The following TECTA variants were observed in gnomAD, a reference collection of about 807,000 sequenced individuals.
TECTA encodes alpha-tectorin.
In TECTA, 128 loss-of-function variants were observed where a neutral mutation model predicts 216.8. That is an observed-to-expected ratio of 0.59 (90% CI 0.51 to 0.68). TECTA has a LOEUF of 0.68. Ranked by LOEUF, TECTA falls within the 30% of genes least tolerant of loss-of-function variation. The pLI is 0.00. For missense variants in TECTA, 2,551 were observed against 2,786.2 expected (o/e 0.92, Z 1.90); for synonymous variants, 1,089 against 1,117.1 (o/e 0.97, Z 0.50).
At chr11:121,167,342 G>A (rs1947064246) in intron 18 of TECTA, among the ~76,000 whole-genome samples, 1 of 152,182 alleles carries the variant, frequency 6.6e-6, no homozygotes, top group South Asian at 2.1e-4. Flanking sequence ...GCTGACATGG[G>A]AGGATCATAA....
intron 10 of TECTA, among the ~76,000 whole-genome samples, chr11:121,136,063 A>C (rs1406939829): frequency 6.6e-6 from 1 of 151,854 alleles, no homozygotes; most frequent in Non-Finnish European, 1.5e-5. Context: ...GGTTCGAGCG[A>C]TTCTAGAGCC....
intron 3 of TECTA, among the ~76,000 whole-genome samples, chr11:121,108,737 TTACACACCTCACCCCAGTACA>T (rs1198300646): frequency 7.8e-6 from 1 of 127,534 alleles, no homozygotes; most frequent in Non-Finnish European, 1.7e-5. Context: ...ACACACACAC[TTACACACCTCACCCCAGTACA>T]CACACACACA....
chr11:121,145,808 T>C lies in TECTA; in HGVS notation c.3797T>C (p.Phe1266Ser). The stretch of plus-strand genomic sequence containing the variant: ...CTGCTTGCATCGAGTGTCAATGAGT[T>C]TGGGCAGAGCTGGGTGAAGAGGGAC... ...MGLLASSVNE[F>S]GQSWVKRDTF... The change falls in exon 12 of 24, where the codon TTT becomes TCT. Residue 1266 changes from phenylalanine to serine, a missense_variant. By Grantham distance (155) the Phe-to-Ser change is radical. Transcript: ENST00000392793. 1.2e-6 allele frequency: 2 copies of C among 1,614,122 alleles called. No homozygotes were observed. The highest frequency in any genetic ancestry group is 8.5e-7 in the Non-Finnish European group (1 of 1,179,998).
chr11:121,171,776 T>G (rs1462983869), intron 20 of TECTA, among the ~76,000 whole-genome samples: 1 of 152,218 alleles, frequency 6.6e-6, no homozygotes, highest in African/African-American at 2.4e-5. Context: ...GTCCTGCAAC[T>G]TTACTGAATT....
intron 20 of TECTA, among the ~76,000 whole-genome samples, chr11:121,175,475 G>T (rs113695244): frequency 1.3e-5 from 2 of 152,158 alleles, no homozygotes; most frequent in African/African-American, 4.8e-5. Flanking sequence ...GGAGCAGGTT[G>T]TTCAGTTTCC....
Position 121,128,023 on chromosome 11 carries a change from C to G in TECTA, c.2046C>G (p.Asp682Glu), listed in dbSNP as rs147404112. 1.4e-5 allele frequency: 22 copies of G among 1,613,324 alleles called. No individual in the cohort carries two copies. The African/African-American group carries it at 1.9e-4, about 14-fold the overall frequency. ...TVQCLCEEGG[D>E]VYCFNKTCGS... is the part of the protein sequence containing the mutation. ...AATGCCTGTGCGAGGAGGGCGGGGA[C>G]GTCTACTGCTTCAACAAGACCTGCG... is the stretch of plus-strand genomic sequence containing the variant. Residue 682 changes from aspartate to glutamate, a missense_variant, in exon 9 of 24, where the codon GAC becomes GAG. Around this residue, in one of 3 missense-constraint regions of TECTA, gnomAD observed 2,375 missense variants for 2,563.9 expected, o/e 0.93. Coordinates refer to ENST00000392793, the MANE Select transcript of TECTA (RefSeq NM_005422.4).
intron 15 of TECTA, 81 bp downstream of exon 15, chr11:121,160,502 C>T: frequency 3.2e-6 from 5 of 1,573,986 alleles, no homozygotes; most frequent in Non-Finnish European, 4.3e-6. Flanking sequence ...TGAGGAATGC[C>T]TTTTCCTTAG....
chr11:121,137,720 G>A lies in TECTA; in HGVS notation c.3241G>A (p.Glu1081Lys). ...HCETIPCKDD[E>K]YCMEEGGLYY... is the part of the protein sequence containing the mutation. ...CGAGACCATTCCCTGCAAGGATGAT[G>A]AGTACTGCATGGAGGAAGGTGGCCT... The change falls in exon 11 of 24, where the codon GAG becomes AAG. Residue 1081 changes from glutamate (E) to lysine (K), a missense_variant. Glu to Lys is a moderately conservative substitution (Grantham distance 56). Around this residue, in one of 3 missense-constraint regions of TECTA, gnomAD observed 2,375 missense variants for 2,563.9 expected, o/e 0.93. Coordinates refer to ENST00000392793, the MANE Select transcript of TECTA (RefSeq NM_005422.4). 7 of 1,614,140 alleles carry A rather than the reference G, an allele frequency of 4.3e-6. No individual in the cohort carries two copies. Among genetic ancestry groups the A allele is most frequent in the Non-Finnish European group, 5.9e-6 (7 of 1,180,024 alleles).
rs141354470 is a variant in TECTA, at chr11:121,148,411, A to G, written c.4105+2295A>G. 7.0e-3 allele frequency among the ~76,000 whole-genome samples: 1,070 copies of G among 152,182 alleles called. 9 individuals are homozygous for G. Among genetic ancestry groups the G allele is most frequent in the Middle Eastern group, 0.044 (13 of 294 alleles). On this transcript the variant is annotated intron_variant, in intron 12 of 23. Transcript: ENST00000392793. ...GGAAAACTAAAATAGGAGAAAAAAT[A>G]TATGTTTTAAAGATGGTATGGGGGT...
chr11:121,146,606 C>A (rs376705443), intron 12 of TECTA, among the ~76,000 whole-genome samples: 70 of 152,322 alleles, frequency 4.6e-4, no homozygotes, highest in African/African-American at 1.6e-3. Flanking sequence ...AGAGAAGGAA[C>A]TAGAGCCCCT....
chr11:121,175,121 G>A (rs962707344), intron 20 of TECTA, among the ~76,000 whole-genome samples: 1 of 151,734 alleles, frequency 6.6e-6, no homozygotes, highest in African/African-American at 2.4e-5. Context: ...TATCAATTTT[G>A]TTGATCCTTT....
chr11:121,130,827 C>T (rs1946666955), intron 10 of TECTA, among the ~76,000 whole-genome samples: 1 of 152,054 alleles, frequency 6.6e-6, no homozygotes, highest in Admixed American at 6.6e-5. Flanking sequence ...GCAGGACTCA[C>T]TCGTGGAGCA....
chr11:121,157,962 T>C lies in TECTA; in HGVS notation c.4427T>C (p.Val1476Ala). The C allele has an allele frequency of 6.2e-7, 1 of 1,613,702 alleles. No homozygotes were observed. The highest frequency in any genetic ancestry group is 2.2e-5 in the East Asian group (1 of 44,884). The change falls in exon 14 of 24, where the codon GTG (valine) becomes GCG (alanine). Residue 1476 changes from valine to alanine, a missense_variant. Transcript: ENST00000392793. Reference sequence around the variant, plus strand: ...GAGGAGTGTGCGCTGCGCAACGGGGTGCGCGGCTGCTTCAGCACCAAGACC... The same window carrying C: ...GAGGAGTGTGCGCTGCGCAACGGGGCGCGCGGCTGCTTCAGCACCAAGACC... ...SDEECALRNGVRGCFSTKTSY... is the reference protein window; with the variant it reads ...SDEECALRNGARGCFSTKTSY...
intron 4 of TECTA, chr11:121,110,065 A>C: frequency 6.4e-6 from 1 of 156,534 alleles, no homozygotes; most frequent in Non-Finnish European, 1.4e-5. Context: ...GTGGGCAGTG[A>C]AAGCATTTCA....
chr11:121,166,618 A>C lies in TECTA; in HGVS notation c.5424A>C (p.Ala1808=). The C allele has an allele frequency of 6.2e-7, 1 of 1,614,216 alleles. No individual in the cohort carries two copies. The highest frequency in any genetic ancestry group is 8.5e-7 in the Non-Finnish European group (1 of 1,180,032). Residue 1808 remains alanine, a synonymous_variant, in exon 18 of 24, where the codon GCA becomes GCC. Coordinates refer to ENST00000392793, the MANE Select transcript of TECTA (RefSeq NM_005422.4). ...TCGATGCAGAGGTGACCTGCAAAGC[A>C]GCCCAAATGGAAGTGTCCATATCTA... The part of the protein sequence containing the change: ...DIIDAEVTCK[A]AQMEVSISKC...
chr11:121,102,714 C>CT lies in TECTA; in HGVS notation c.51dup (p.Val18CysfsTer18), dbSNP rs1365821101. On this transcript the variant is annotated frameshift_variant, in exon 2 of 24. Transcript: ENST00000392793. LOFTEE classifies it high-confidence loss of function. ...AATTTGGGTCTCTTTCATCTTCGCA[C>CT]TTGTACAGCACCAAGGTGAGTACTA... 8.7e-6 allele frequency: 14 copies of CT among 1,613,550 alleles called. No individual in the cohort carries two copies. Among genetic ancestry groups the CT allele is most frequent in the Middle Eastern group, 1.6e-4 (1 of 6,078 alleles).
intron 16 of TECTA, among the ~76,000 whole-genome samples, chr11:121,163,367 C>T (rs960542677): frequency 3.4e-5 from 5 of 148,064 alleles, no homozygotes; most frequent in African/African-American, 5.0e-5. Context: ...TAAGAATACT[C>T]ATGTTCTCAC....
intron 15 of TECTA, among the ~76,000 whole-genome samples, chr11:121,160,652 T>C (rs917496800): frequency 4.6e-5 from 7 of 152,222 alleles, no homozygotes; most frequent in African/African-American, 9.6e-5. Context: ...CTAATTTTCA[T>C]GTCATCCAGC....
Position 121,160,137 on chromosome 11 carries a change from G to C in TECTA, c.4692G>C (p.Val1564=). Residue 1564 remains valine (V), a splice_region_variant and synonymous_variant, in exon 15 of 24, where the codon GTG becomes GTC. Transcript: ENST00000392793. ...ILINDRNTVK[V]NGTQVNVPFI... is the part of the protein sequence containing the mutation. The stretch of plus-strand genomic sequence containing the variant: ...TTTCTTTTTTCCTCCTCCAATAGGT[G>C]AATGGCACACAAGTGAATGTTCCAT... 1 of 1,614,152 alleles carries C rather than the reference G, an allele frequency of 6.2e-7. No individual in the cohort carries two copies. Among genetic ancestry groups the C allele is most frequent in the South Asian group, 1.1e-5 (1 of 91,076 alleles).
Sources: gnomAD v4.1 joint callset for allele counts (sites outside exome capture counted in the v4.1 genomes callset) on GRCh38, gnomAD v4.1.1 for gene constraint, gnomAD v4.1.1 regional missense constraint, MANE v1.5 for transcripts, NCBI Gene and HGNC (gene_info 2026-07-23, HGNC 2026-07-21) for gene names.